The following ARHGEF18 variants were observed in gnomAD, a reference collection of about 807,000 sequenced individuals.
ARHGEF18 encodes the protein rho guanine nucleotide exchange factor 18.
In ARHGEF18, 93 loss-of-function variants were observed where a neutral mutation model predicts 155.7. That is an observed-to-expected ratio of 0.60 (90% CI 0.50 to 0.71). ARHGEF18 has a LOEUF of 0.71. Ranked by LOEUF, ARHGEF18 falls within the 30% of genes least tolerant of loss-of-function variation. The probability of loss-of-function intolerance (pLI) is 0.00; values close to 1 mark genes in which losing one functional copy is unlikely to be tolerated. For missense variants in ARHGEF18, 1,593 were observed against 1,816.1 expected (o/e 0.88, Z 2.23); for synonymous variants, 742 against 753.1 (o/e 0.99, Z 0.24).
chr19:7,453,209 C>A (rs543165925), intron 16 of ARHGEF18, among the ~76,000 whole-genome samples: 2 of 151,810 alleles, frequency 1.3e-5, no homozygotes, highest in Non-Finnish European at 2.9e-5. Flanking sequence ...CTACCCTCCC[C>A]CCCCCAAAAA....
In ARHGEF18 at chr19:7,440,253, C is replaced by T. The variant is rs1218165858; in HGVS notation, c.968-91C>T. ...GACCTCCAAGATCCTGTCTGTGCTGCGGCCGCAGTCGGAGCGGGGCTTCCG... is the reference window on the plus strand; with the variant it reads ...GACCTCCAAGATCCTGTCTGTGCTGTGGCCGCAGTCGGAGCGGGGCTTCCG... On this transcript the variant is annotated intron_variant, in intron 10 of 28. Coordinates refer to ENST00000668164, the MANE Select transcript of ARHGEF18 (RefSeq NM_001367823.1). This position sits in a 1 kb window ranked among gnomAD's most constrained non-coding sequence, Gnocchi z 5.4. 3.2e-6 allele frequency: 5 copies of T among 1,553,394 alleles called. No homozygotes were observed. Among genetic ancestry groups the T allele is most frequent in the Non-Finnish European group, 4.4e-6 (5 of 1,148,100 alleles).
chr19:7,363,037 A>G, intron 2 of ARHGEF18, 132 bp downstream of exon 2: 1 of 1,088,856 alleles, frequency 9.2e-7, no homozygotes, highest in South Asian at 4.7e-5. Context: ...AAACTTGCAA[A>G]GTCATTTATT....
chr19:7,382,705 T>C (rs1396156818), intron 8 of ARHGEF18, 87 bp from the exon 9 acceptor site: 8 of 927,420 alleles, frequency 8.6e-6, no homozygotes, highest in African/African-American at 1.7e-5. Context: ...GGGAGACAGG[T>C]TGCAGGTGGA....
chr19:7,351,410 A>G (rs979929978), intron 1 of ARHGEF18, among the ~76,000 whole-genome samples: 1 of 150,476 alleles, frequency 6.6e-6, no homozygotes, highest in Non-Finnish European at 1.5e-5. Flanking sequence ...TGCAAGCTCC[A>G]CCTCCCGGGT....
intron 10 of ARHGEF18, among the ~76,000 whole-genome samples, chr19:7,417,574 G>A (rs1973095559): frequency 6.6e-6 from 1 of 152,150 alleles, no homozygotes; most frequent in African/African-American, 2.4e-5. Flanking sequence ...GCGCACGCCT[G>A]TAATCCCAGC....
At chr19:7,401,885 T>C (rs1381870551) in intron 10 of ARHGEF18, among the ~76,000 whole-genome samples, 1 of 152,194 alleles carries the variant, frequency 6.6e-6, no homozygotes, top group African/African-American at 2.4e-5. Context: ...TACTGTGGAA[T>C]ATTACTTGGC....
At position 7,463,408 on chromosome 19, in the gene ARHGEF18, CA is replaced by C. The variant is rs1976410323; in HGVS notation, c.2636-409del. On this transcript the variant is annotated intron_variant, in intron 21 of 28. Coordinates refer to ENST00000668164, the MANE Select transcript of ARHGEF18 (RefSeq NM_001367823.1). This position sits in a 1 kb window ranked among gnomAD's most constrained non-coding sequence, Gnocchi z 5.2. ...TGTAGACAGCCCTTCCCCACAAAGT[CA>C]CTCTCCCATATGGCCATTGTCACAC... Among the ~76,000 whole-genome samples the C allele has an allele frequency of 6.6e-6, 1 of 152,192 alleles. No individual in the cohort carries two copies. Among genetic ancestry groups the C allele is most frequent in the African/African-American group, 2.4e-5 (1 of 41,450 alleles).
chr19:7,362,564 G>T (rs927893220), intron 1 of ARHGEF18, among the ~76,000 whole-genome samples: 4 of 152,198 alleles, frequency 2.6e-5, no homozygotes, highest in African/African-American at 9.7e-5. Flanking sequence ...ACTCATGATT[G>T]ACTAGCAATG....
At chr19:7,399,412 A>T (rs1202497543) in intron 10 of ARHGEF18, among the ~76,000 whole-genome samples, 3 of 152,074 alleles carry the variant, frequency 2.0e-5, no homozygotes, top group Admixed American at 2.0e-4. Context: ...CATAGTTTCA[A>T]CTGAGTATAG....
At chr19:7,426,495 A>AG (rs1187078893) in intron 10 of ARHGEF18, among the ~76,000 whole-genome samples, 4 of 151,592 alleles carry the variant, frequency 2.6e-5, no homozygotes, top group African/African-American at 7.3e-5. Context: ...TCAAAAAAAA[A>AG]AAAAAAAGAA....
intron 17 of ARHGEF18, 66 bp downstream of exon 17, chr19:7,453,781 T>C: frequency 6.8e-7 from 1 of 1,477,762 alleles, no homozygotes; most frequent in South Asian, 1.5e-5. Flanking sequence ...TGTCTTGGAG[T>C]GGTGGGCACT....
chr19:7,463,124 G>T lies in ARHGEF18; in HGVS notation c.2636-694G>T, dbSNP rs564531984. Among the ~76,000 whole-genome samples, 69 of 152,162 alleles carry T rather than the reference G, an allele frequency of 4.5e-4. No individual in the cohort carries two copies. In the East Asian group the frequency reaches 6.2e-3, roughly 14 times the overall value. On this transcript the variant is annotated intron_variant, in intron 21 of 28. Coordinates refer to ENST00000668164, the MANE Select transcript of ARHGEF18 (RefSeq NM_001367823.1). This position sits in a 1 kb window ranked among gnomAD's most constrained non-coding sequence, Gnocchi z 5.2. ...GCTGGGATTATAGGCGTGAGCCACCGCGCCCTGCCTCAATCTGCTCTTTCA... is the reference window on the plus strand; with the variant it reads ...GCTGGGATTATAGGCGTGAGCCACCTCGCCCTGCCTCAATCTGCTCTTTCA...
At chr19:7,383,506 C>A in intron 10 of ARHGEF18, 1 of 397,142 alleles carries the variant, frequency 2.5e-6, no homozygotes, top group Non-Finnish European at 4.4e-6. Context: ...GTACCATGCA[C>A]CAGGTGGCTT....
rs12983399 is a variant in ARHGEF18, at chr19:7,444,550, G to C, written c.1611+96G>C. 1 of 1,497,116 alleles carries C rather than the reference G, an allele frequency of 6.7e-7. No individual in the cohort carries two copies. Among genetic ancestry groups the C allele is most frequent in the African/African-American group, 1.4e-5 (1 of 72,222 alleles). 92.7% of individuals were successfully genotyped at this position (1,497,116 alleles called of 1,614,324 possible). ...TTCTGAGATAGGGTCTTGCCGTGTC[G>C]CCCAGGCTGGAGTGCAGTGGTGCAG... is the stretch of plus-strand genomic sequence containing the variant. On this transcript the variant is annotated intron_variant, in intron 14 of 28. Coordinates refer to ENST00000668164, the MANE Select transcript of ARHGEF18 (RefSeq NM_001367823.1). The surrounding 1 kb of genome is among the most constrained non-coding windows in gnomAD (Gnocchi z 4.7).
At chr19:7,373,536 C>T (rs1402103421) in intron 3 of ARHGEF18, among the ~76,000 whole-genome samples, 2 of 149,716 alleles carry the variant, frequency 1.3e-5, no homozygotes, top group Non-Finnish European at 3.0e-5. Flanking sequence ...AGTGCAGTGG[C>T]GTGATCTCGG....
chr19:7,473,355 T>C (rs1244408319), downstream of ARHGEF18: 2 of 448,468 alleles, frequency 4.5e-6, no homozygotes, highest in East Asian at 1.4e-4. Flanking sequence ...TCATTTTTAG[T>C]AGCCATATTA....
Position 7,440,487 on chromosome 19 carries a change from G to T in ARHGEF18, c.1106+5G>T. 3 of 1,594,836 alleles carry T rather than the reference G, an allele frequency of 1.9e-6. No individual in the cohort carries two copies. Among genetic ancestry groups the T allele is most frequent in the Non-Finnish European group, 2.5e-6 (3 of 1,177,100 alleles). On this transcript the variant is annotated splice_donor_5th_base_variant and intron_variant, in intron 11 of 28. Coordinates refer to ENST00000668164, the MANE Select transcript of ARHGEF18 (RefSeq NM_001367823.1). The surrounding 1 kb of genome is among the most constrained non-coding windows in gnomAD (Gnocchi z 5.4). ...TGGCCCTGGGACGCAACTCGGGTAA[G>T]CCAGGGTCCCCTCTGTGCCCTCGGG...
chr19:7,468,850 G>A lies in ARHGEF18; in HGVS notation c.3506G>A (p.Ser1169Asn), dbSNP rs776866611. ...AEAQPPSHPPSFNGEGLEGPR... is the reference protein window; with the variant it reads ...AEAQPPSHPPNFNGEGLEGPR... The stretch of plus-strand genomic sequence containing the variant: ...GCCCAGCCCCCAAGCCACCCTCCCA[G>A]CTTCAACGGGGAAGGGCTGGAGGGC... The change falls in exon 27 of 29, where the codon AGC (serine) becomes AAC (asparagine). Residue 1169 changes from serine to asparagine, a missense_variant. Physicochemically the swap from Ser to Asn is conservative, Grantham distance 46 (BLOSUM62 1). Coordinates refer to ENST00000668164, the MANE Select transcript of ARHGEF18 (RefSeq NM_001367823.1). 8 of 1,566,040 alleles carry A rather than the reference G, an allele frequency of 5.1e-6. No homozygotes were observed. The highest frequency in any genetic ancestry group is 1.4e-5 in the African/African-American group (1 of 73,860).
intron 1 of ARHGEF18, among the ~76,000 whole-genome samples, chr19:7,352,039 T>C (rs1253734296): frequency 6.6e-6 from 1 of 152,098 alleles, no homozygotes; most frequent in African/African-American, 2.4e-5. Context: ...GTAGGGCTGT[T>C]GCTATTGTCT....
Sources: allele counts gnomAD v4.1 joint callset (sites outside exome capture counted in the v4.1 genomes callset), GRCh38; gene constraint gnomAD v4.1.1; non-coding constraint Gnocchi (gnomAD v3.1); transcripts MANE v1.5; gene names NCBI Gene and HGNC (gene_info 2026-07-23, HGNC 2026-07-21).